TAPT1: variants seen among roughly 807,000 people sequenced by gnomAD.
The protein encoded by TAPT1 is transmembrane anterior posterior transformation protein 1 homolog.
Under a neutral mutation model 65.6 loss-of-function variants are expected in TAPT1, and 28 were observed. The ratio of observed to expected loss-of-function variants is 0.43; its 90% CI spans 0.32 to 0.59. TAPT1 has a LOEUF of 0.59. TAPT1 is among the 20% of genes least tolerant of loss of function. TAPT1 has a pLI of 0.09. For synonymous variants in TAPT1, 278 were observed against 245.2 expected, an observed-to-expected ratio of 1.13 and a Z score of -1.25; for missense variants, 563 against 679.9, an observed-to-expected ratio of 0.83 and a Z score of 1.91.
At chr4:16,209,049 A>T (rs1332270269) in intron 2 of TAPT1, among the ~76,000 whole-genome samples, 1 of 151,970 alleles carries the variant, frequency 6.6e-6, no homozygotes, top group Non-Finnish European at 1.5e-5. Flanking sequence ...TTTTTTGTAG[A>T]GACAGCGTTT....
intron 10 of TAPT1, 92 bp downstream of exon 10, chr4:16,174,578 T>C (rs1748207888): frequency 2.6e-6 from 3 of 1,175,572 alleles, no homozygotes; most frequent in African/African-American, 1.6e-5. Context: ...AGCTTTCCTT[T>C]AGTTAATATT....
intron 7 of TAPT1, among the ~76,000 whole-genome samples, chr4:16,179,960 T>C (rs1748615255): frequency 6.6e-6 from 1 of 152,140 alleles, no homozygotes; most frequent in Non-Finnish European, 1.5e-5. Flanking sequence ...GGTCATTAGG[T>C]TCCTCCAATG....
At chr4:16,208,683 C>T (rs913912552) in intron 2 of TAPT1, among the ~76,000 whole-genome samples, 1 of 152,210 alleles carries the variant, frequency 6.6e-6, no homozygotes, top group Non-Finnish European at 1.5e-5. Context: ...GCTGCAACAA[C>T]TGAGACCTCT....
At chr4:16,189,688 C>G (rs1254426816) in intron 4 of TAPT1, among the ~76,000 whole-genome samples, 1 of 152,232 alleles carries the variant, frequency 6.6e-6, no homozygotes. Context: ...CATGGACTCT[C>G]ATCCACTGTG....
intron 2 of TAPT1, among the ~76,000 whole-genome samples, chr4:16,207,424 G>A (rs1750414080): frequency 6.6e-6 from 1 of 152,068 alleles, no homozygotes; most frequent in South Asian, 2.1e-4. Context: ...ATGAACTTTT[G>A]GATTATTTTT....
rs948348710 is a variant in TAPT1 at position 16,213,196 on chromosome 4, C to G, written c.330+572G>C. ...AGGGGAGAAGGGGCTGCTTTCCCAG[C>G]CTATTTTATTGGTCTTGATAGGATA... is the stretch of plus-strand genomic sequence containing the variant. On this transcript the variant is annotated intron_variant, in intron 2 of 13. Transcript: ENST00000405303. Among the ~76,000 whole-genome samples, 3 of 152,142 alleles carry G rather than the reference C, an allele frequency of 2.0e-5. No homozygotes were observed. In the East Asian group the frequency reaches 5.8e-4, roughly 29 times the overall value.
chr4:16,219,943 T>C (rs1033648162), intron 1 of TAPT1, among the ~76,000 whole-genome samples: 14 of 152,330 alleles, frequency 9.2e-5, no homozygotes, highest in African/African-American at 3.4e-4. Flanking sequence ...CTGTGATTCA[T>C]GGTGAAGGAG....
chr4:16,191,225 G>T (rs1043128207), intron 4 of TAPT1, 136 bp downstream of exon 4: 2 of 850,204 alleles, frequency 2.4e-6, no homozygotes, highest in African/African-American at 1.7e-5. Flanking sequence ...GCCCCCAAGT[G>T]ATGACAGCAC....
At chr4:16,174,127 ATAT>A in intron 11 of TAPT1, 74 bp downstream of exon 11, 1 of 1,174,946 alleles carries the variant, frequency 8.5e-7, no homozygotes, top group South Asian at 1.5e-5. Flanking sequence ...TGAAACAATC[ATAT>A]TAATAATCCA....
rs114305245 is a variant in TAPT1 at position 16,179,570 on chromosome 4, G to T, written c.997+7C>A. On this transcript the variant is annotated splice_region_variant and intron_variant, in intron 8 of 13. Coordinates refer to ENST00000405303, the MANE Select transcript of TAPT1 (RefSeq NM_153365.3). Reference sequence around the variant, plus strand: ...TATAAGACACTGTTTTGTTAAGAGTGAGTTACCTGGATTCCAAGAAAACTG... The same window carrying T: ...TATAAGACACTGTTTTGTTAAGAGTTAGTTACCTGGATTCCAAGAAAACTG... 1,197 of 1,504,370 alleles carry T rather than the reference G, an allele frequency of 8.0e-4. 6 individuals are homozygous for T. In the African/African-American group the frequency reaches 0.015, roughly 19 times the overall value. 93.2% of individuals were successfully genotyped at this position (1,504,370 alleles called of 1,614,324 possible). A position where few individuals can be genotyped will look rare whatever the true frequency, so the allele number is the denominator to read the frequency against.
At chr4:16,218,595 G>A (rs1305795109) in intron 1 of TAPT1, among the ~76,000 whole-genome samples, 2 of 152,202 alleles carry the variant, frequency 1.3e-5, no homozygotes, top group East Asian at 3.8e-4. Context: ...TCCAGTCACA[G>A]ATGTCAATTT....
intron 1 of TAPT1, among the ~76,000 whole-genome samples, chr4:16,214,872 T>C (rs1750846956): frequency 6.6e-6 from 1 of 152,198 alleles, no homozygotes; most frequent in Non-Finnish European, 1.5e-5. Flanking sequence ...GTGGTCTTAA[T>C]GTTCCCTCCA....
At chr4:16,174,401 T>A (rs1453387792) in intron 10 of TAPT1, 129 bp from the exon 11 acceptor site, 1 of 814,748 alleles carries the variant, frequency 1.2e-6, no homozygotes, top group East Asian at 2.7e-5. Flanking sequence ...AACCTGGCAC[T>A]TATAAAATGA....
intron 1 of TAPT1, among the ~76,000 whole-genome samples, chr4:16,218,850 A>G (rs947498541): frequency 6.6e-6 from 1 of 152,204 alleles, no homozygotes; most frequent in African/African-American, 2.4e-5. Flanking sequence ...AAAAGGTAAT[A>G]TGACAAATAA....
At chr4:16,208,459 G>A (rs533745989) in intron 2 of TAPT1, among the ~76,000 whole-genome samples, 3 of 152,292 alleles carry the variant, frequency 2.0e-5, no homozygotes, top group Admixed American at 6.5e-5. Flanking sequence ...TCCAGGCCAC[G>A]TCTGGGAAAT....
At chr4:16,175,324 A>G (rs1748254081) in intron 9 of TAPT1, among the ~76,000 whole-genome samples, 1 of 152,170 alleles carries the variant, frequency 6.6e-6, no homozygotes, top group African/African-American at 2.4e-5. Flanking sequence ...TGGTGAAATT[A>G]CTTTATCAAT....
rs1269595730 is a variant in TAPT1 at position 16,211,743 on chromosome 4, T to C, written c.330+2025A>G. ...TTCATGAAACAATACTTATTCTTAGTATAGGCAATGTTCTCTAATACTTCT... is the reference window on the plus strand; with the variant it reads ...TTCATGAAACAATACTTATTCTTAGCATAGGCAATGTTCTCTAATACTTCT... On this transcript the variant is annotated intron_variant, in intron 2 of 13. Transcript: ENST00000405303. Among the ~76,000 whole-genome samples, 3 of 152,298 alleles carry C rather than the reference T, an allele frequency of 2.0e-5. No individual in the cohort carries two copies. The East Asian group carries it at 5.8e-4, about 29-fold the overall frequency.
intron 2 of TAPT1, among the ~76,000 whole-genome samples, chr4:16,205,052 A>C (rs983869461): frequency 6.6e-6 from 1 of 152,178 alleles, no homozygotes; most frequent in Admixed American, 6.5e-5. Context: ...TTAGCATCTG[A>C]AAAATACCTG....
intron 12 of TAPT1, among the ~76,000 whole-genome samples, chr4:16,169,079 T>G (rs1470106824): frequency 6.6e-6 from 1 of 152,222 alleles, no homozygotes; most frequent in Non-Finnish European, 1.5e-5. Context: ...TTGAGAAAGC[T>G]TCTGAAGGAG....
Sources: gnomAD v4.1 joint callset for allele counts (sites outside exome capture counted in the v4.1 genomes callset) on GRCh38, gnomAD v4.1.1 for gene constraint, MANE v1.5 for transcripts, NCBI Gene and HGNC (gene_info 2026-07-23, HGNC 2026-07-21) for gene names.